The following NRAS variants were observed in gnomAD, a reference collection of about 807,000 sequenced individuals.
NRAS encodes the protein NRAS proto-oncogene, GTPase.
A neutral mutation model predicts 21.3 loss-of-function variants in NRAS; 6 were observed. That is an observed-to-expected ratio of 0.28 (90% CI 0.15 to 0.56). The LOEUF (loss-of-function observed/expected upper bound fraction) is 0.56, where lower values mean the gene tolerates loss of function less well. NRAS is among the 20% of genes least tolerant of loss of function. The probability of loss-of-function intolerance (pLI) is 0.93; values close to 1 mark genes in which losing one functional copy is unlikely to be tolerated. For synonymous variants in NRAS, 84 were observed against 82.0 expected (o/e 1.02, Z -0.13); for missense variants, 143 against 231.3 (o/e 0.62, Z 2.48).
At chr1:114,713,776 C>G (rs2101741673) in intron 3 of NRAS, 24 bp downstream of exon 3, 1 of 1,589,312 alleles carries the variant, frequency 6.3e-7, no homozygotes, top group Non-Finnish European at 8.6e-7. Flanking sequence ...ATCATCCTTT[C>G]AGAGAAAATA....
rs1178238823 is a variant in NRAS at position 114,716,097 on chromosome 1, G to A, written c.64C>T (p.Gln22Ter). The change falls in exon 2 of 7, where the codon CAG becomes TAG. Residue 22 changes from glutamine to a stop codon, truncating the protein, a stop_gained. Transcript: ENST00000369535. LOFTEE classifies it high-confidence loss of function. ...GGVGKSALTI[Q>*]LIQNHFVDEY... Reference sequence around the variant, plus strand: ...TCTACAAAGTGGTTCTGGATTAGCTGGATTGTCAGTGCGCTTTTCCCAACA... The same window carrying A: ...TCTACAAAGTGGTTCTGGATTAGCTAGATTGTCAGTGCGCTTTTCCCAACA... 3.7e-6 allele frequency: 6 copies of A among 1,613,994 alleles called. No individual in the cohort carries two copies. The highest frequency in any genetic ancestry group is 5.1e-6 in the Non-Finnish European group (6 of 1,179,894).
intron 3 of NRAS, among the ~76,000 whole-genome samples, chr1:114,712,575 C>CA (rs890024786): frequency 0.01 from 1,524 of 145,898 alleles, 21 homozygotes; most frequent in African/African-American, 0.033. Context: ...TACTTTTAGA[C>CA]AAAAAAAAAA....
Position 114,706,120 on chromosome 1 carries a change from A to G in NRAS, c.*1974T>C, listed in dbSNP as rs1658914654. On this transcript the variant is annotated 3_prime_UTR_variant, in exon 7 of 7. Transcript: ENST00000369535. ...TTACAAATGATGACAGTACTGTGAA[A>G]GCTCCCAGAATTAGCAGTAAGAAGC... 6.6e-6 allele frequency: 1 copy of G among 152,234 alleles called. No homozygotes were observed. Among genetic ancestry groups the G allele is most frequent in the Non-Finnish European group, 1.5e-5 (1 of 68,040 alleles). The allele number at this position is 152,234 out of a possible 1,614,324, so 9.4% of individuals were successfully genotyped here. A position where few individuals can be genotyped will look rare whatever the true frequency, so the allele number is the denominator to read the frequency against.
At chr1:114,709,254 T>C (rs1209932359) in intron 4 of NRAS, among the ~76,000 whole-genome samples, 2 of 151,948 alleles carry the variant, frequency 1.3e-5, no homozygotes, top group African/African-American at 2.4e-5. Flanking sequence ...CTGGGCAACA[T>C]GGTAAAACCC....
At chr1:114,708,975 G>A (rs1658980603) in intron 4 of NRAS, among the ~76,000 whole-genome samples, 1 of 152,194 alleles carries the variant, frequency 6.6e-6, no homozygotes, top group Non-Finnish European at 1.5e-5. Context: ...AGCCATAAAC[G>A]GGCTGGTGTT....
chr1:114,706,912 T>C lies in NRAS; in HGVS notation c.*1182A>G, dbSNP rs1658932071. ...TGTAGAGGGTGGGGTGAGAAGGGGATTGAAGGCAATTATATACATCATTAA... is the reference window on the plus strand; with the variant it reads ...TGTAGAGGGTGGGGTGAGAAGGGGACTGAAGGCAATTATATACATCATTAA... On this transcript the variant is annotated 3_prime_UTR_variant, in exon 7 of 7. Coordinates refer to ENST00000369535, the MANE Select transcript of NRAS (RefSeq NM_002524.5). 6.6e-6 allele frequency: 1 copy of C among 152,544 alleles called. No homozygotes were observed. Among genetic ancestry groups the C allele is most frequent in the African/African-American group, 2.4e-5 (1 of 41,442 alleles). 9.4% of individuals were successfully genotyped at this position (152,544 alleles called of 1,614,324 possible). A position where few individuals can be genotyped will look rare whatever the true frequency, so the allele number is the denominator to read the frequency against.
At chr1:114,712,014 T>G (rs1294133649) in intron 3 of NRAS, among the ~76,000 whole-genome samples, 3 of 152,240 alleles carry the variant, frequency 2.0e-5, no homozygotes, top group African/African-American at 7.2e-5. Flanking sequence ...CACAAAGTCA[T>G]GTATCTGAAC....
At chr1:114,712,483 AAG>A (rs1659069805) in intron 3 of NRAS, among the ~76,000 whole-genome samples, 1 of 152,224 alleles carries the variant, frequency 6.6e-6, no homozygotes, top group Non-Finnish European at 1.5e-5. Flanking sequence ...TCTTGTAAGA[AAG>A]AAGAAAAATG....
At chr1:114,710,194 CA>C (rs1296687218) in intron 3 of NRAS, among the ~76,000 whole-genome samples, 1 of 130,628 alleles carries the variant, frequency 7.7e-6, no homozygotes, top group Non-Finnish European at 1.6e-5. Context: ...CCATCCCCCC[CA>C]ACCCCCCCCA....
chr1:114,710,581 G>C (rs1217573171), intron 3 of NRAS, among the ~76,000 whole-genome samples: 1 of 151,928 alleles, frequency 6.6e-6, no homozygotes, highest in Non-Finnish European at 1.5e-5. Flanking sequence ...GAGAGAAAGA[G>C]AGAGCGAGAG....
rs1379137440 is a variant in NRAS at position 114,713,275 on chromosome 1, G to C, written c.290+525C>G. ...GCATGCCTCGACCTCCTGAGCTCAC[G>C]TGATCCTCCCACCTCTGCCTCCCGA... On this transcript the variant is annotated intron_variant, in intron 3 of 6. Transcript: ENST00000369535. 2.0e-5 allele frequency among the ~76,000 whole-genome samples: 3 copies of C among 152,196 alleles called. No individual in the cohort carries two copies. The East Asian group carries it at 5.8e-4, about 29-fold the overall frequency.
At position 114,705,861 on chromosome 1, in the gene NRAS, G is replaced by C. The variant is rs966887168; in HGVS notation, c.*2233C>G. 6.6e-6 allele frequency: 1 copy of C among 152,210 alleles called. No homozygotes were observed. The highest frequency in any genetic ancestry group is 1.9e-4 in the East Asian group (1 of 5,204). The allele number at this position is 152,210 out of a possible 1,614,324, so 9.4% of individuals were successfully genotyped here. ...CCCCATTTAGAAACTTCTGTGCTTA[G>C]AACATACTTGGAAAACTCTAAGTAC... On this transcript the variant is annotated 3_prime_UTR_variant, in exon 7 of 7. Coordinates refer to ENST00000369535, the MANE Select transcript of NRAS (RefSeq NM_002524.5).
Position 114,706,769 on chromosome 1 carries a change from A to C in NRAS, c.*1325T>G, listed in dbSNP as rs1364287033. On this transcript the variant is annotated 3_prime_UTR_variant, in exon 7 of 7. Coordinates refer to ENST00000369535, the MANE Select transcript of NRAS (RefSeq NM_002524.5). ...CTGGTGCAATGAGCAAATGCAGAAGAATTTCTTTCTCTGTGATGCTAACTG... is the reference window on the plus strand; with the variant it reads ...CTGGTGCAATGAGCAAATGCAGAAGCATTTCTTTCTCTGTGATGCTAACTG... 1 of 152,210 alleles carries C rather than the reference A, an allele frequency of 6.6e-6. No individual in the cohort carries two copies. Among genetic ancestry groups the C allele is most frequent in the East Asian group, 1.9e-4 (1 of 5,198 alleles). The allele number at this position is 152,210 out of a possible 1,614,324, so 9.4% of individuals were successfully genotyped here. A position where few individuals can be genotyped will look rare whatever the true frequency, so the allele number is the denominator to read the frequency against.
Position 114,707,062 on chromosome 1 carries a change from G to A in NRAS, c.*1032C>T, listed in dbSNP as rs913883560. 6.6e-6 allele frequency: 1 copy of A among 152,646 alleles called. No homozygotes were observed. Among genetic ancestry groups the A allele is most frequent in the Non-Finnish European group, 1.5e-5 (1 of 68,030 alleles). The allele number at this position is 152,646 out of a possible 1,614,324, so 9.5% of individuals were successfully genotyped here. On this transcript the variant is annotated 3_prime_UTR_variant, in exon 7 of 7. Coordinates refer to ENST00000369535, the MANE Select transcript of NRAS (RefSeq NM_002524.5). The stretch of plus-strand genomic sequence containing the variant: ...TTACAATATTTGAACATCTGCAAAT[G>A]TAGAGCTTTCTGGTATGACACAAAT...
intron 1 of NRAS, among the ~76,000 whole-genome samples, 184 bp from the exon 2 acceptor site, chr1:114,716,361 C>T (rs1659167342): frequency 6.6e-6 from 1 of 152,134 alleles, no homozygotes. Flanking sequence ...TCTAGCAACC[C>T]CCATCCTTAG....
intron 3 of NRAS, 97 bp from the exon 4 acceptor site, chr1:114,709,825 G>A (rs1322302636): frequency 2.1e-6 from 2 of 963,718 alleles, no homozygotes; most frequent in Non-Finnish European, 1.7e-6. Flanking sequence ...GGAGGCTGAG[G>A]AGGGCAGACT....
At chr1:114,715,912 G>A in intron 2 of NRAS, 138 bp downstream of exon 2, 1 of 709,210 alleles carries the variant, frequency 1.4e-6, no homozygotes. Flanking sequence ...AACACGTTAA[G>A]CTTATTGCAT....
At position 114,705,439 on chromosome 1, in the gene NRAS, G is replaced by A. The variant is rs1023674731; in HGVS notation, c.*2655C>T. 1 of 152,130 alleles carries A rather than the reference G, an allele frequency of 6.6e-6. No individual in the cohort carries two copies. The highest frequency in any genetic ancestry group is 2.4e-5 in the African/African-American group (1 of 41,406). The allele number at this position is 152,130 out of a possible 1,614,324, so 9.4% of individuals were successfully genotyped here. On this transcript the variant is annotated 3_prime_UTR_variant, in exon 7 of 7. Coordinates refer to ENST00000369535, the MANE Select transcript of NRAS (RefSeq NM_002524.5). Reference sequence around the variant, plus strand: ...ATGTAACCTTTAAAAAAACCAAAAGGAATATGTAATTTATGACAGCTGGCC... The same window carrying A: ...ATGTAACCTTTAAAAAAACCAAAAGAAATATGTAATTTATGACAGCTGGCC...
rs1357368437 is a variant in NRAS at position 114,716,110 on chromosome 1, GC to G, written c.50del (p.Ser17ThrfsTer3). 1 of 1,613,906 alleles carries G rather than the reference GC, an allele frequency of 6.2e-7. No individual in the cohort carries two copies. Among genetic ancestry groups the G allele is most frequent in the African/African-American group, 1.3e-5 (1 of 74,998 alleles). ...VVVGAGGVGK[S>X]ALTIQLIQNH... ...TCTGGATTAGCTGGATTGTCAGTGC[GC>G]TTTTCCCAACACCACCTGCTCCAAC... On this transcript the variant is annotated frameshift_variant, in exon 2 of 7. Transcript: ENST00000369535. LOFTEE classifies it high-confidence loss of function.
Sources: gnomAD v4.1 joint callset for allele counts (sites outside exome capture counted in the v4.1 genomes callset) on GRCh38, gnomAD v4.1.1 for gene constraint, MANE v1.5 for transcripts, NCBI Gene and HGNC (gene_info 2026-07-23, HGNC 2026-07-21) for gene names.